The following RIMS1 variants were observed in gnomAD, a reference collection of about 807,000 sequenced individuals.
The protein encoded by RIMS1 is regulating synaptic membrane exocytosis 1, also known as regulating synaptic membrane exocytosis protein 1.
In RIMS1, 83 loss-of-function variants were observed where a neutral mutation model predicts 214.1. That is an observed-to-expected ratio of 0.39 (90% CI 0.32 to 0.47). RIMS1 has a LOEUF of 0.47. RIMS1 is among the 20% of genes least tolerant of loss of function. The pLI is 0.99. For synonymous variants in RIMS1, 793 were observed against 786.8 expected, an observed-to-expected ratio of 1.01 and a Z score of -0.13; for missense variants, 2,050 against 2,161.8, an observed-to-expected ratio of 0.95 and a Z score of 1.03.
chr6:72,171,000 G>T (rs1056403533), intron 4 of RIMS1, among the ~76,000 whole-genome samples: 1 of 151,966 alleles, frequency 6.6e-6, no homozygotes, highest in African/African-American at 2.4e-5. Flanking sequence ...TGAGGATACT[G>T]AAGCACAGAG....
At chr6:72,059,445 T>C (rs1827255799) in intron 2 of RIMS1, among the ~76,000 whole-genome samples, 1 of 152,064 alleles carries the variant, frequency 6.6e-6, no homozygotes, top group Admixed American at 6.6e-5. Flanking sequence ...CCTAGGCTGG[T>C]CTTGAACTCC....
intron 1 of RIMS1, among the ~76,000 whole-genome samples, chr6:71,918,744 G>T (rs138989973): frequency 4.2e-4 from 64 of 152,258 alleles, no homozygotes; most frequent in African/African-American, 1.5e-3. Context: ...GGATGAGCTT[G>T]AGCAGAAAAG....
chr6:72,213,663 A>C (rs761485153), intron 6 of RIMS1, among the ~76,000 whole-genome samples: 2 of 152,202 alleles, frequency 1.3e-5, no homozygotes, highest in Non-Finnish European at 2.9e-5. Context: ...CATTAGTGGA[A>C]TGTCAATGCA....
chr6:71,887,858 A>G (rs1041697354), intron 1 of RIMS1, among the ~76,000 whole-genome samples: 4 of 152,170 alleles, frequency 2.6e-5, no homozygotes, highest in Non-Finnish European at 4.4e-5. Flanking sequence ...ATGTAATGCC[A>G]CTGGCAATAC....
At chr6:72,293,600 T>C (rs2093711570) in intron 26 of RIMS1, among the ~76,000 whole-genome samples, 1 of 151,918 alleles carries the variant, frequency 6.6e-6, no homozygotes. Context: ...CCTAAAATTC[T>C]TTGCATTTCC....
intron 29 of RIMS1, among the ~76,000 whole-genome samples, chr6:72,341,703 C>T (rs1054376690): frequency 1.3e-5 from 2 of 151,540 alleles, no homozygotes; most frequent in African/African-American, 4.8e-5. Flanking sequence ...GTAAAATGCC[C>T]GAAATAATAA....
intron 2 of RIMS1, among the ~76,000 whole-genome samples, chr6:72,032,464 A>G (rs1196832657): frequency 1.3e-5 from 2 of 152,202 alleles, no homozygotes. Context: ...TTAGCTGGAA[A>G]TGAATGGTAT....
At chr6:72,166,301 T>TG (rs1491475138) in intron 4 of RIMS1, among the ~76,000 whole-genome samples, 1 of 33,386 alleles carries the variant, frequency 3.0e-5, no homozygotes, top group African/African-American at 7.1e-5. Context: ...TTGGTGTCTG[T>TG]TTTTTTTTTT....
At chr6:71,992,095 T>C (rs1335094417) in intron 2 of RIMS1, among the ~76,000 whole-genome samples, 1 of 152,016 alleles carries the variant, frequency 6.6e-6, no homozygotes, top group Admixed American at 6.6e-5. Flanking sequence ...AAAGAAATTG[T>C]ATGAAATAGA....
chr6:72,366,181 G>A (rs1304304547), intron 29 of RIMS1, among the ~76,000 whole-genome samples: 4 of 152,132 alleles, frequency 2.6e-5, no homozygotes, highest in African/African-American at 7.2e-5. Context: ...GGTGGGACGT[G>A]AAACGACACA....
At chr6:72,383,137 G>C (rs2098521342) in intron 29 of RIMS1, among the ~76,000 whole-genome samples, 1 of 152,116 alleles carries the variant, frequency 6.6e-6, no homozygotes. Flanking sequence ...CTCACTGCTT[G>C]AATTATTCTC....
intron 29 of RIMS1, among the ~76,000 whole-genome samples, chr6:72,352,474 TATC>T (rs2097488700): frequency 6.6e-6 from 1 of 152,230 alleles, no homozygotes; most frequent in Non-Finnish European, 1.5e-5. Context: ...CATACTATTA[TATC>T]ATCCTCAAGT....
intron 4 of RIMS1, among the ~76,000 whole-genome samples, chr6:72,138,115 A>G (rs1024539076): frequency 9.2e-5 from 14 of 152,224 alleles, no homozygotes; most frequent in African/African-American, 2.9e-4. Context: ...TAGACGGTTC[A>G]AAAAGGTAGG....
rs144113345 is a variant in RIMS1 at position 72,024,526 on chromosome 6, C to A, written c.245+55463C>A. On this transcript the variant is annotated intron_variant, in intron 2 of 33. Transcript: ENST00000521978. ...ATTTGTTATTTGTATTAAAATTTAG[C>A]TCCCAGGATTTCACCTAATATCATT... 3.1e-3 allele frequency among the ~76,000 whole-genome samples: 465 copies of A among 152,264 alleles called. 5 individuals carry two copies. The highest frequency in any genetic ancestry group is 0.01 in the African/African-American group (436 of 41,556).
chr6:72,001,259 T>A (rs1805124340), intron 2 of RIMS1, among the ~76,000 whole-genome samples: 1 of 152,182 alleles, frequency 6.6e-6, no homozygotes, highest in Non-Finnish European at 1.5e-5. Flanking sequence ...CCAGTCTTCA[T>A]CCTCATGCAT....
chr6:71,982,686 G>A (rs910508052), intron 2 of RIMS1, among the ~76,000 whole-genome samples: 2 of 152,004 alleles, frequency 1.3e-5, no homozygotes, highest in Admixed American at 6.6e-5. Context: ...TCTCTGAATC[G>A]TCTCACATCT....
chr6:72,350,924 G>C (rs2097425332), intron 29 of RIMS1, among the ~76,000 whole-genome samples: 1 of 152,080 alleles, frequency 6.6e-6, no homozygotes, highest in South Asian at 2.1e-4. Context: ...AAAGCGTCTG[G>C]AAGAAAGTGA....
At chr6:72,241,724 G>C (rs1455679421) in intron 9 of RIMS1, among the ~76,000 whole-genome samples, 1 of 152,130 alleles carries the variant, frequency 6.6e-6, no homozygotes, top group African/African-American at 2.4e-5. Flanking sequence ...TGCTTGCTTT[G>C]TAATTTTGCC....
At chr6:72,105,732 G>A (rs1299624002) in intron 4 of RIMS1, among the ~76,000 whole-genome samples, 1 of 152,030 alleles carries the variant, frequency 6.6e-6, no homozygotes, top group Non-Finnish European at 1.5e-5. Flanking sequence ...ATAATTTTAT[G>A]AATGTTATAT....
Sources: allele counts gnomAD v4.1 joint callset (sites outside exome capture counted in the v4.1 genomes callset), GRCh38; gene constraint gnomAD v4.1.1; transcripts MANE v1.5; gene names NCBI Gene and HGNC (gene_info 2026-07-23, HGNC 2026-07-21).